The following ADPGK variants were observed in gnomAD, a reference collection of about 807,000 sequenced individuals.
ADPGK encodes the protein ADP-dependent glucokinase.
Under a neutral mutation model 42.4 loss-of-function variants are expected in ADPGK, and 26 were observed. The ratio of observed to expected loss-of-function variants is 0.61; its 90% CI spans 0.45 to 0.85. The LOEUF is 0.85. ADPGK is among the 40% of genes least tolerant of loss of function. ADPGK has a pLI of 0.00. For synonymous variants in ADPGK, 267 were observed against 252.6 expected (o/e 1.06, Z -0.54); for missense variants, 571 against 627.0 (o/e 0.91, Z 0.95).
intron 3 of ADPGK, among the ~76,000 whole-genome samples, chr15:72,767,764 T>C (rs1395800916): frequency 6.6e-6 from 1 of 152,058 alleles, no homozygotes; most frequent in Middle Eastern, 3.2e-3. Context: ...TTGAAATGAA[T>C]GAAAATAAAA....
intron 1 of ADPGK, among the ~76,000 whole-genome samples, chr15:72,776,386 G>A (rs909713938): frequency 3.9e-5 from 6 of 152,088 alleles, no homozygotes; most frequent in East Asian, 1.9e-4. Flanking sequence ...GCTCCCAGCC[G>A]GCAAACTGAG....
intron 1 of ADPGK, chr15:72,782,864 T>C (rs1389263103): frequency 6.6e-6 from 1 of 152,278 alleles, no homozygotes; most frequent in African/African-American, 2.4e-5. Flanking sequence ...GTAGTGTCAT[T>C]TGGAAGAACC....
chr15:72,771,884 A>T, intron 2 of ADPGK, 39 bp from the exon 3 acceptor site: 5 of 1,472,026 alleles, frequency 3.4e-6, no homozygotes, highest in Non-Finnish European at 4.6e-6. Context: ...GTATTTTAAT[A>T]CAACTATATC....
intron 3 of ADPGK, among the ~76,000 whole-genome samples, chr15:72,765,429 C>G (rs1209395059): frequency 1.3e-5 from 2 of 152,148 alleles, no homozygotes; most frequent in Non-Finnish European, 2.9e-5. Flanking sequence ...GGATTACAGG[C>G]GTGAGCCACT....
intron 4 of ADPGK, chr15:72,757,866 T>C: frequency 2.0e-6 from 1 of 504,424 alleles, no homozygotes; most frequent in Non-Finnish European, 3.6e-6. Flanking sequence ...GGAGCCACAC[T>C]GTATTGAAAA....
chr15:72,770,440 C>G (rs2066314938), intron 3 of ADPGK, among the ~76,000 whole-genome samples: 1 of 152,142 alleles, frequency 6.6e-6, no homozygotes, highest in African/African-American at 2.4e-5. Context: ...TCCCAGAGGG[C>G]AGAATTATTT....
chr15:72,756,760 T>G (rs773394022), intron 4 of ADPGK: 7 of 381,250 alleles, frequency 1.8e-5, no homozygotes, highest in South Asian at 9.6e-5. Context: ...CAGTACAGAA[T>G]GGCAGCATGA....
intron 3 of ADPGK, among the ~76,000 whole-genome samples, chr15:72,766,400 T>C (rs529247513): frequency 6.6e-6 from 1 of 152,244 alleles, no homozygotes; most frequent in South Asian, 2.1e-4. Flanking sequence ...TTTTAAGAAA[T>C]TGCCACAGCC....
chr15:72,776,128 G>A (rs1433038287), intron 1 of ADPGK, among the ~76,000 whole-genome samples: 2 of 152,154 alleles, frequency 1.3e-5, no homozygotes, highest in Non-Finnish European at 2.9e-5. Flanking sequence ...GGATTTCAGA[G>A]CATTCTGGAT....
intron 3 of ADPGK, among the ~76,000 whole-genome samples, chr15:72,768,958 G>T (rs1417092106): frequency 7.0e-6 from 1 of 143,842 alleles, no homozygotes; most frequent in African/African-American, 2.5e-5. Flanking sequence ...TGGATGACAA[G>T]GCCAGATCCT....
chr15:72,779,535 A>G (rs1032995280), intron 1 of ADPGK, among the ~76,000 whole-genome samples: 6 of 152,136 alleles, frequency 3.9e-5, no homozygotes, highest in African/African-American at 7.2e-5. Flanking sequence ...GTGAGCCACC[A>G]TGCCTGCCGG....
chr15:72,763,152 T>C (rs1001696841), intron 3 of ADPGK, among the ~76,000 whole-genome samples: 9 of 152,108 alleles, frequency 5.9e-5, no homozygotes, highest in African/African-American at 9.6e-5. Flanking sequence ...GATGGAAATA[T>C]GTTTTTATAT....
chr15:72,770,562 C>CCATTAG (rs1233692765), intron 3 of ADPGK, among the ~76,000 whole-genome samples: 1 of 152,172 alleles, frequency 6.6e-6, no homozygotes, highest in Non-Finnish European at 1.5e-5. Context: ...TTTCTTCCAC[C>CCATTAG]CATTAGCTGG....
intron 2 of ADPGK, 91 bp downstream of exon 2, chr15:72,774,781 T>C: frequency 8.2e-7 from 1 of 1,220,168 alleles, no homozygotes; most frequent in Non-Finnish European, 1.2e-6. Context: ...CTCTTCAAAC[T>C]GGAATGAAAA....
At chr15:72,757,834 A>T in intron 4 of ADPGK, 1 of 406,956 alleles carries the variant, frequency 2.5e-6, no homozygotes, top group South Asian at 3.1e-5. Context: ...AGGAAACACG[A>T]CCTAACTGAA....
rs368643493 is a variant in ADPGK at position 72,760,569 on chromosome 15, T to C, written c.523-42A>G. ...CGAAGTCCATCAGGAGCCCCGTTCCTTTCCCCACAGAACCTCAACAGCACC... is the reference window on the plus strand; with the variant it reads ...CGAAGTCCATCAGGAGCCCCGTTCCCTTCCCCACAGAACCTCAACAGCACC... On this transcript the variant is annotated intron_variant, in intron 3 of 6. Coordinates refer to ENST00000456471, the MANE Select transcript of ADPGK (RefSeq NM_001365225.1). The C allele has an allele frequency of 2.6e-5, 41 of 1,571,976 alleles. No homozygotes were observed. The African/African-American group carries it at 3.6e-4, about 14-fold the overall frequency.
chr15:72,751,382 T>C lies in ADPGK; in HGVS notation c.*959A>G, dbSNP rs1354808937. On this transcript the variant is annotated 3_prime_UTR_variant, in exon 7 of 7. Coordinates refer to ENST00000456471, the MANE Select transcript of ADPGK (RefSeq NM_001365225.1). Reference sequence around the variant, plus strand: ...ACAGACAGAATTCCTGAAATGTAAATTGTTTTTAATATATTTAAGAGCACA... The same window carrying C: ...ACAGACAGAATTCCTGAAATGTAAACTGTTTTTAATATATTTAAGAGCACA... 2.0e-5 allele frequency: 3 copies of C among 152,624 alleles called. No homozygotes were observed. Among genetic ancestry groups the C allele is most frequent in the Non-Finnish European group, 2.9e-5 (2 of 68,042 alleles). 9.5% of individuals were successfully genotyped at this position (152,624 alleles called of 1,614,324 possible).
rs74988379 is a variant in ADPGK, at chr15:72,778,801, G to C, written c.234-3704C>G. On this transcript the variant is annotated intron_variant, in intron 1 of 6. Coordinates refer to ENST00000456471, the MANE Select transcript of ADPGK (RefSeq NM_001365225.1). ...TTAAGACATAGAACTGTAAAGAGGC[G>C]GGGGAAAAATGGCTAGGGCAGTGGT... 4.2e-3 allele frequency among the ~76,000 whole-genome samples: 645 copies of C among 152,242 alleles called. 7 individuals carry two copies. The highest frequency in any genetic ancestry group is 0.015 in the African/African-American group (625 of 41,548).
At chr15:72,764,372 G>A (rs1029488330) in intron 3 of ADPGK, among the ~76,000 whole-genome samples, 1 of 152,222 alleles carries the variant, frequency 6.6e-6, no homozygotes, top group African/African-American at 2.4e-5. Context: ...TGAATGGTCT[G>A]GATAGCAGAT....
Sources: gnomAD v4.1 joint callset for allele counts (sites outside exome capture counted in the v4.1 genomes callset) on GRCh38, gnomAD v4.1.1 for gene constraint, MANE v1.5 for transcripts, NCBI Gene and HGNC (gene_info 2026-07-23, HGNC 2026-07-21) for gene names.